PIEZO1: variants seen among roughly 807,000 people sequenced by gnomAD.
The protein encoded by PIEZO1 is piezo-type mechanosensitive ion channel component 1.
PIEZO1 carries 296 observed loss-of-function variants against 297.2 expected under a neutral mutation model. That is an observed-to-expected ratio of 1.00 (90% CI 0.91 to 1.10). PIEZO1 has a LOEUF of 1.10. Among genes scored for constraint, PIEZO1 ranks in the 50% least tolerant of loss-of-function variants. The pLI, the probability that PIEZO1 is intolerant of heterozygous loss-of-function variation, is 0.00. For missense variants in PIEZO1, 5,018 were observed against 3,455.5 expected (o/e 1.45, Z -11.34); for synonymous variants, 2,427 against 1,507.5 (o/e 1.61, Z -14.13).
At position 88,733,176 on chromosome 16, in the gene PIEZO1, T is replaced by C. The variant is rs1399004852; in HGVS notation, c.2664+102A>G. The stretch of plus-strand genomic sequence containing the variant: ...CCCAGGGGAGAGTCCTCCATCTCCA[T>C]TGCTGGCCCCACTGCACTGAGGCAG... On this transcript the variant is annotated intron_variant, in intron 19 of 50. Transcript: ENST00000301015. 19 of 1,105,390 alleles carry C rather than the reference T, an allele frequency of 1.7e-5. No homozygotes were observed. In the South Asian group the frequency reaches 2.3e-4, roughly 14 times the overall value. 68.5% of individuals were successfully genotyped at this position (1,105,390 alleles called of 1,614,324 possible). A position where few individuals can be genotyped will look rare whatever the true frequency, so the allele number is the denominator to read the frequency against.
chr16:88,735,062 C>G lies in PIEZO1; in HGVS notation c.1670-9G>C. The G allele has an allele frequency of 6.5e-7, 1 of 1,550,254 alleles. No homozygotes were observed. The highest frequency in any genetic ancestry group is 8.7e-7 in the Non-Finnish European group (1 of 1,146,854). ...CTGCGTCCGCGTGGGCTCTGTGGGC[C>G]AAGCCAGGGGCAGGCGATGGCATCA... is the stretch of plus-strand genomic sequence containing the variant. On this transcript the variant is annotated splice_polypyrimidine_tract_variant and intron_variant, in intron 13 of 50. Coordinates refer to ENST00000301015, the MANE Select transcript of PIEZO1 (RefSeq NM_001142864.4).
intron 10 of PIEZO1, chr16:88,737,298 C>A (rs1228930128): frequency 8.9e-6 from 4 of 447,904 alleles, no homozygotes; most frequent in Middle Eastern, 6.1e-4. Context: ...TGGAGGCCCC[C>A]CATGGGGTCT....
At chr16:88,763,651 G>A (rs747253916) in intron 1 of PIEZO1, among the ~76,000 whole-genome samples, 2 of 152,214 alleles carry the variant, frequency 1.3e-5, no homozygotes, top group Non-Finnish European at 2.9e-5. Flanking sequence ...GTAACAGCCG[G>A]TAGGTGCTCC....
intron 44 of PIEZO1, 66 bp downstream of exon 44, chr16:88,719,508 G>T: frequency 6.9e-7 from 1 of 1,446,138 alleles, no homozygotes; most frequent in Non-Finnish European, 9.5e-7. Flanking sequence ...TGGCAGCAGT[G>T]CCTCTGTCTT....
Position 88,734,897 on chromosome 16 carries a change from A to C in PIEZO1, c.1826T>G (p.Leu609Arg). 1 of 1,550,370 alleles carries C rather than the reference A, an allele frequency of 6.5e-7. No homozygotes were observed. The highest frequency in any genetic ancestry group is 8.7e-7 in the Non-Finnish European group (1 of 1,146,944). Residue 609 changes from leucine to arginine, a missense_variant, in exon 14 of 51, where the codon CTG becomes CGG. Transcript: ENST00000301015. ...VYKIVYMFLF[L>R]LCLTLFQVYY... The stretch of plus-strand genomic sequence containing the variant: ...CACCTGGAAGAGGGTGAGGCAGAGC[A>C]GGAAGAGGAACATGTAGACAATCTT...
Position 88,737,738 on chromosome 16 carries a change from T to C in PIEZO1, c.1097A>G (p.Glu366Gly), listed in dbSNP as rs1279511424. The C allele has an allele frequency of 6.5e-7, 1 of 1,535,194 alleles. No homozygotes were observed. Among genetic ancestry groups the C allele is most frequent in the Non-Finnish European group, 8.7e-7 (1 of 1,146,580 alleles). ...AELDQWPQER[E>G]SDQHVVPTAP... ...TGCCTGGCTGCTCACCTGGTCAGAC[T>C]CCCGTTCCTGGGGCCACTGGTCCAG... The change falls in exon 9 of 51, where the codon GAG becomes GGG. Residue 366 changes from glutamate (E) to glycine (G), a missense_variant. Coordinates refer to ENST00000301015, the MANE Select transcript of PIEZO1 (RefSeq NM_001142864.4).
intron 22 of PIEZO1, among the ~76,000 whole-genome samples, chr16:88,728,477 G>T (rs1310539445): frequency 6.8e-6 from 1 of 146,928 alleles, no homozygotes; most frequent in African/African-American, 2.5e-5. Flanking sequence ...CAAAAGCAAA[G>T]TGACCCTCGA....
At position 88,722,663 on chromosome 16, in the gene PIEZO1, C is replaced by G. The variant is rs531569993; in HGVS notation, c.4695G>C (p.Leu1565=). 9.2e-4 allele frequency: 1,422 copies of G among 1,538,226 alleles called. 2 individuals are homozygous for G. The highest frequency in any genetic ancestry group is 1.1e-3 in the Non-Finnish European group (1,301 of 1,146,460). The change falls in exon 35 of 51, where the codon CTG becomes CTC. Residue 1565 remains leucine (L), a synonymous_variant. Transcript: ENST00000301015. ...LQGGEVHRGV[L]DQLYTSQAEA... ...CGGCCTGGCTTGTGTACAGCTGATC[C>G]AGCACGCCCCTGTGCACTTCGCCGC...
At chr16:88,764,997 C>T (rs1435276674) in intron 1 of PIEZO1, among the ~76,000 whole-genome samples, 1 of 152,208 alleles carries the variant, frequency 6.6e-6, no homozygotes, top group Non-Finnish European at 1.5e-5. Flanking sequence ...CTCAACACAG[C>T]TACCTGGCCC....
At chr16:88,766,127 T>A (rs1907167685) in intron 1 of PIEZO1, among the ~76,000 whole-genome samples, 1 of 152,196 alleles carries the variant, frequency 6.6e-6, no homozygotes, top group Admixed American at 6.5e-5. Flanking sequence ...GTGTCAGCGC[T>A]GCTGGGCCAC....
At chr16:88,763,729 A>C (rs1469736012) in intron 1 of PIEZO1, among the ~76,000 whole-genome samples, 1 of 152,198 alleles carries the variant, frequency 6.6e-6, no homozygotes, top group Non-Finnish European at 1.5e-5. Flanking sequence ...CACAATGATT[A>C]CATTGATTAG....
At chr16:88,733,768 GCGGGGCACAAA>G in intron 17 of PIEZO1, 23 bp from the exon 18 acceptor site, 1 of 1,511,966 alleles carries the variant, frequency 6.6e-7, no homozygotes, top group South Asian at 1.2e-5. Context: ...GAGGGTCAGT[GCGGGGCACAAA>G]CGGGGATTCC....
chr16:88,783,383 G>C (rs866497569), intron 1 of PIEZO1, among the ~76,000 whole-genome samples: 2 of 152,346 alleles, frequency 1.3e-5, no homozygotes, highest in African/African-American at 4.8e-5. Context: ...TTACCATCTG[G>C]TCATTTAAAG....
At chr16:88,720,564 T>TTCC in intron 40 of PIEZO1, 32 bp from the exon 41 acceptor site, 1 of 1,542,084 alleles carries the variant, frequency 6.5e-7, no homozygotes. Context: ...CTGGGCCCAG[T>TTCC]ACCCGCCTCC....
intron 1 of PIEZO1, among the ~76,000 whole-genome samples, chr16:88,765,757 T>C (rs1907147880): frequency 6.8e-6 from 1 of 147,252 alleles, no homozygotes. Flanking sequence ...CACTACAACC[T>C]CTACCTCCTG....
intron 30 of PIEZO1, among the ~76,000 whole-genome samples, chr16:88,724,645 G>A (rs1490120769): frequency 6.6e-6 from 1 of 152,090 alleles, no homozygotes; most frequent in Non-Finnish European, 1.5e-5. Context: ...AGTGAGCTGA[G>A]ATCATGCCAC....
Position 88,720,489 on chromosome 16 carries a change from T to C in PIEZO1, c.5845A>G (p.Ile1949Val), listed in dbSNP as rs1319355909. 5.8e-6 allele frequency: 9 copies of C among 1,550,226 alleles called. No homozygotes were observed. The African/African-American group carries it at 8.2e-5, about 14-fold the overall frequency. The change falls in exon 41 of 51, where the codon ATC (isoleucine) becomes GTC (valine). Residue 1949 changes from isoleucine (I) to valine (V), a missense_variant. By Grantham distance (29) the Ile-to-Val change is conservative. Transcript: ENST00000301015. ...GCTGCGCGGTACTTGGTGTGCAGGA[T>C]GTCGTGGAAGAAGCGCCGTAGCGGC... The part of the protein sequence containing the change: ...YRPLRRFFHD[I>V]LHTKYRAATD...
At chr16:88,751,041 G>A (rs1465860916) in intron 1 of PIEZO1, among the ~76,000 whole-genome samples, 1 of 152,070 alleles carries the variant, frequency 6.6e-6, no homozygotes, top group Non-Finnish European at 1.5e-5. Flanking sequence ...TGTGCCCAGG[G>A]GAGGCCATGC....
chr16:88,741,348 T>G lies in PIEZO1; in HGVS notation c.465+130A>C, dbSNP rs1597464474. On this transcript the variant is annotated intron_variant, in intron 5 of 50. Coordinates refer to ENST00000301015, the MANE Select transcript of PIEZO1 (RefSeq NM_001142864.4). ...CGGGGTGGGATTTGGAACTTCCTCC[T>G]CTCTTTAACACCAACTTACAACCAA... The G allele has an allele frequency of 2.3e-5, 20 of 865,400 alleles. No individual in the cohort carries two copies. In the South Asian group the frequency reaches 2.4e-4, roughly 10 times the overall value. The allele number at this position is 865,400 out of a possible 1,614,324, so 53.6% of individuals were successfully genotyped here. A position where few individuals can be genotyped will look rare whatever the true frequency, so the allele number is the denominator to read the frequency against.
Sources: allele counts gnomAD v4.1 joint callset (sites outside exome capture counted in the v4.1 genomes callset), GRCh38; gene constraint gnomAD v4.1.1; transcripts MANE v1.5; gene names NCBI Gene and HGNC (gene_info 2026-07-23, HGNC 2026-07-21).